Variants in NUAK2 observed in about 807,000 individuals in gnomAD.
NUAK2 encodes the protein NUAK family kinase 2, also known as NUAK family SNF1-like kinase 2.
Under a neutral mutation model 29.8 loss-of-function variants are expected in NUAK2, and 20 were observed. That is an observed-to-expected ratio of 0.67 (90% CI 0.47 to 0.98). NUAK2 has a LOEUF of 0.98. Ranked by LOEUF, NUAK2 falls within the 50% of genes least tolerant of loss-of-function variation. The pLI is 0.00. For synonymous variants in NUAK2, 331 were observed against 342.6 expected (o/e 0.97, Z 0.37); for missense variants, 719 against 834.5 (o/e 0.86, Z 1.71).
chr1:205,318,370 C>T (rs1296529366), intron 1 of NUAK2, among the ~76,000 whole-genome samples: 1 of 152,206 alleles, frequency 6.6e-6, no homozygotes, highest in African/African-American at 2.4e-5. Flanking sequence ...CATCTCAAGA[C>T]CAACTCCCAG....
At position 205,308,540 on chromosome 1, in the gene NUAK2, A is replaced by ACCAC; in HGVS notation, c.504+37_504+40dup. On this transcript the variant is annotated intron_variant, in intron 3 of 6. Transcript: ENST00000367157. This position sits in a 1 kb window ranked among gnomAD's most constrained non-coding sequence, Gnocchi z 4.1. ...CCAAAACAGCCCTAGAGCCCTGGGG[A>ACCAC]CCACCCACTGAGAATATGGCTGGAG... The ACCAC allele has an allele frequency of 6.3e-7, 1 of 1,598,236 alleles. No homozygotes were observed. Among genetic ancestry groups the ACCAC allele is most frequent in the Non-Finnish European group, 8.6e-7 (1 of 1,166,914 alleles).
At chr1:205,312,147 C>T (rs767904973) in intron 1 of NUAK2, among the ~76,000 whole-genome samples, 80 of 152,318 alleles carry the variant, frequency 5.3e-4, no homozygotes, top group Non-Finnish European at 8.2e-4. Flanking sequence ...ATAAAGCAAA[C>T]GTGCCAATCT....
chr1:205,305,498 C>G, intron 5 of NUAK2, 167 bp from the exon 6 acceptor site: 1 of 985,440 alleles, frequency 1.0e-6, no homozygotes, highest in Non-Finnish European at 1.2e-6. Context: ...ATCGCATTTC[C>G]TGCGAGGGAC....
chr1:205,319,862 T>C (rs951450274), intron 1 of NUAK2, among the ~76,000 whole-genome samples: 6 of 151,818 alleles, frequency 4.0e-5, no homozygotes, highest in Non-Finnish European at 5.9e-5. Flanking sequence ...AACCAGCTAC[T>C]GGCTGCAAAA....
chr1:205,307,928 C>T (rs565030243), intron 4 of NUAK2, among the ~76,000 whole-genome samples: 28 of 152,332 alleles, frequency 1.8e-4, no homozygotes, highest in African/African-American at 6.5e-4. Context: ...CCAGGCTCAG[C>T]CACGTGCTAG....
Position 205,321,737 on chromosome 1 carries a change from A to C in NUAK2, c.-109T>G. 2.3e-6 allele frequency: 2 copies of C among 853,082 alleles called. No individual in the cohort carries two copies. The highest frequency in any genetic ancestry group is 3.6e-6 in the Non-Finnish European group (2 of 549,766). 52.8% of individuals were successfully genotyped at this position (853,082 alleles called of 1,614,324 possible). On this transcript the variant is annotated 5_prime_UTR_variant, in exon 1 of 7. Coordinates refer to ENST00000367157, the MANE Select transcript of NUAK2 (RefSeq NM_030952.3). ...CAGGACGGGGAGCCACAGCAGTACC[A>C]GAGCGCGCAGTAAAGCACAGCATTC...
At position 205,312,321 on chromosome 1, in the gene NUAK2, A is replaced by G. The variant is rs372393346; in HGVS notation, c.232-496T>C. The stretch of plus-strand genomic sequence containing the variant: ...GCATCATCAATACCCTTTACAGGTG[A>G]AGAAACTGGGACCCAGAGAGGTTAG... On this transcript the variant is annotated intron_variant, in intron 1 of 6. Coordinates refer to ENST00000367157, the MANE Select transcript of NUAK2 (RefSeq NM_030952.3). Among the ~76,000 whole-genome samples, 3 of 152,210 alleles carry G rather than the reference A, an allele frequency of 2.0e-5. No individual in the cohort carries two copies. The East Asian group carries it at 5.8e-4, about 29-fold the overall frequency.
At position 205,304,389 on chromosome 1, in the gene NUAK2, A is replaced by C; in HGVS notation, c.948T>G (p.Ala316=). 6.2e-7 allele frequency: 1 copy of C among 1,608,026 alleles called. No homozygotes were observed. Among genetic ancestry groups the C allele is most frequent in the Non-Finnish European group, 8.5e-7 (1 of 1,176,550 alleles). The change falls in exon 7 of 7, where the codon GCT becomes GCG. Residue 316 remains alanine, a synonymous_variant. Coordinates refer to ENST00000367157, the MANE Select transcript of NUAK2 (RefSeq NM_030952.3). The surrounding 1 kb of genome is among the most constrained non-coding windows in gnomAD (Gnocchi z 6.5). ...TGCCAGGGTGCCCACCCTCATGCGG[A>C]GCCTCCTGCTCTCCCACTCGGGTGG... ...GYATRVGEQE[A]PHEGGHPGSD...
Position 205,303,893 on chromosome 1 carries a change from C to A in NUAK2, c.1444G>T (p.Asp482Tyr). Residue 482 changes from aspartate (D) to tyrosine (Y), a missense_variant, in exon 7 of 7, where the codon GAT becomes TAT. Around this residue, in one of 3 missense-constraint regions of NUAK2, gnomAD observed 430 missense variants for 465.7 expected, o/e 0.92. Coordinates refer to ENST00000367157, the MANE Select transcript of NUAK2 (RefSeq NM_030952.3). ...LDAGDVFVSG[D>Y]PKEQKPPQAS... ...TGCGGAGGCTTCTGCTCCTTGGGAT[C>A]CCCACTCACAAACACGTCGCCTGCG... is the stretch of plus-strand genomic sequence containing the variant. 6.2e-7 allele frequency: 1 copy of A among 1,614,024 alleles called. No homozygotes were observed. Among genetic ancestry groups the A allele is most frequent in the Non-Finnish European group, 8.5e-7 (1 of 1,179,988 alleles).
chr1:205,320,682 A>G (rs1348444262), intron 1 of NUAK2, among the ~76,000 whole-genome samples: 1 of 152,210 alleles, frequency 6.6e-6, no homozygotes, highest in East Asian at 1.9e-4. Flanking sequence ...AAGGGGAAAC[A>G]AAGTACAGAG....
At chr1:205,315,598 C>A (rs149273894) in intron 1 of NUAK2, among the ~76,000 whole-genome samples, 1 of 152,136 alleles carries the variant, frequency 6.6e-6, no homozygotes, top group Non-Finnish European at 1.5e-5. Context: ...TTAGGCTGGG[C>A]GCAGTGGCTC....
At chr1:205,314,859 C>T (rs1409889846) in intron 1 of NUAK2, among the ~76,000 whole-genome samples, 1 of 151,940 alleles carries the variant, frequency 6.6e-6, no homozygotes, top group Non-Finnish European at 1.5e-5. Flanking sequence ...GCTTAGGGGG[C>T]AGAACTCTAA....
At chr1:205,319,954 C>A (rs1194864797) in intron 1 of NUAK2, among the ~76,000 whole-genome samples, 2 of 149,230 alleles carry the variant, frequency 1.3e-5, no homozygotes, top group Admixed American at 1.4e-4. Flanking sequence ...CACACACACC[C>A]CCTCACAACC....
chr1:205,310,587 GCACACGCACA>G (rs947986524), intron 2 of NUAK2, among the ~76,000 whole-genome samples: 12 of 152,130 alleles, frequency 7.9e-5, no homozygotes, highest in Admixed American at 5.9e-4. Context: ...ACACACACAT[GCACACGCACA>G]CACATGCAGA....
At chr1:205,313,060 A>T (rs1662277300) in intron 1 of NUAK2, among the ~76,000 whole-genome samples, 1 of 152,144 alleles carries the variant, frequency 6.6e-6, no homozygotes, top group African/African-American at 2.4e-5. Flanking sequence ...GTTACCAGGG[A>T]CTGGGGGAGG....
chr1:205,317,101 C>G (rs1363003961), intron 1 of NUAK2, among the ~76,000 whole-genome samples: 1 of 152,180 alleles, frequency 6.6e-6, no homozygotes, highest in Non-Finnish European at 1.5e-5. Flanking sequence ...ATCCCACTTA[C>G]AGATATACAA....
chr1:205,313,902 A>C (rs1662289402), intron 1 of NUAK2, among the ~76,000 whole-genome samples: 1 of 152,154 alleles, frequency 6.6e-6, no homozygotes, highest in Admixed American at 6.5e-5. Flanking sequence ...AAGTTGTGAG[A>C]AATCTGAAGA....
chr1:205,306,948 C>T lies in NUAK2; in HGVS notation c.571-641G>A, dbSNP rs545432901. On this transcript the variant is annotated intron_variant, in intron 4 of 6. Coordinates refer to ENST00000367157, the MANE Select transcript of NUAK2 (RefSeq NM_030952.3). The stretch of plus-strand genomic sequence containing the variant: ...AAAGGGCTCATTCCTGTGTGCACAC[C>T]GGGGCAAGAACTTGGTGGCAGGAAC... Among the ~76,000 whole-genome samples, 68 of 152,244 alleles carry T rather than the reference C, an allele frequency of 4.5e-4. No individual in the cohort carries two copies. In the South Asian group the frequency reaches 6.2e-3, roughly 14 times the overall value.
At chr1:205,305,966 G>A (rs1662173968) in intron 5 of NUAK2, among the ~76,000 whole-genome samples, 1 of 152,106 alleles carries the variant, frequency 6.6e-6, no homozygotes, top group Admixed American at 6.6e-5. Context: ...CACCCACCTC[G>A]GCCTCCCAAA....
Sources: allele counts gnomAD v4.1 joint callset (sites outside exome capture counted in the v4.1 genomes callset), GRCh38; gene constraint gnomAD v4.1.1; regional missense constraint gnomAD v4.1.1; non-coding constraint Gnocchi (gnomAD v3.1); transcripts MANE v1.5; gene names NCBI Gene and HGNC (gene_info 2026-07-23, HGNC 2026-07-21).